The following PMFBP1 variants were observed in gnomAD, a reference collection of about 807,000 sequenced individuals.
The protein encoded by PMFBP1 is polyamine-modulated factor 1-binding protein 1.
Under a neutral mutation model 137.8 loss-of-function variants are expected in PMFBP1, and 131 were observed. The observed-to-expected ratio is 0.95, with a 90% CI of 0.82 to 1.10. PMFBP1 has a LOEUF of 1.10. Among genes scored for constraint, PMFBP1 ranks in the 50% least tolerant of loss-of-function variants. PMFBP1 has a pLI of 0.00. For missense variants in PMFBP1, 1,199 were observed against 1,175.4 expected (o/e 1.02, Z -0.29); for synonymous variants, 490 against 450.4 (o/e 1.09, Z -1.11).
chr16:72,126,840 C>CA (rs2042466996), intron 14 of PMFBP1, among the ~76,000 whole-genome samples: 1 of 152,104 alleles, frequency 6.6e-6, no homozygotes, highest in Admixed American at 6.5e-5. Context: ...GGTTGAGGTC[C>CA]AGGTTCTATC....
At chr16:72,188,656 T>C in the PMFBP1 span, among the ~76,000 whole-genome samples, 1 of 152,162 alleles carries the variant, frequency 6.6e-6, no homozygotes, top group Admixed American at 6.5e-5. Flanking sequence ...GCCATTCTGG[T>C]GTGGATTAAT....
intron 9 of PMFBP1, 37 bp downstream of exon 9, chr16:72,136,411 C>A (rs767694257): frequency 5.0e-6 from 8 of 1,601,736 alleles, no homozygotes; most frequent in Non-Finnish European, 6.0e-6. Context: ...CTCACACCTG[C>A]CCCATTGGGA....
chr16:72,234,009 T>C, the PMFBP1 span, among the ~76,000 whole-genome samples: 5 of 152,194 alleles, frequency 3.3e-5, no homozygotes, highest in Non-Finnish European at 7.4e-5. Context: ...TTTTCCACTT[T>C]TGGCTACTAT....
At chr16:72,140,333 T>G in intron 6 of PMFBP1, 79 bp downstream of exon 6, 1 of 1,386,270 alleles carries the variant, frequency 7.2e-7, no homozygotes, top group Non-Finnish European at 1.0e-6. Flanking sequence ...TTAATTTAGG[T>G]GACTCTTTTC....
At chr16:72,191,521 G>A in the PMFBP1 span, among the ~76,000 whole-genome samples, 1 of 152,200 alleles carries the variant, frequency 6.6e-6, no homozygotes, top group Non-Finnish European at 1.5e-5. Context: ...TAAGCAAAAT[G>A]ATTTAGCTAT....
chr16:72,175,614 T>C (rs2043256291), upstream of PMFBP1, among the ~76,000 whole-genome samples: 1 of 152,184 alleles, frequency 6.6e-6, no homozygotes, highest in Admixed American at 6.5e-5. Flanking sequence ...ATCTAAAACA[T>C]GTTTCCGGGT....
Position 72,150,538 on chromosome 16 carries a change from G to T in PMFBP1, c.636+70C>A, listed in dbSNP as rs2042885048. The T allele has an allele frequency of 5.5e-6, 8 of 1,466,950 alleles. No homozygotes were observed. In the South Asian group the frequency reaches 8.0e-5, roughly 15 times the overall value. 90.9% of individuals were successfully genotyped at this position (1,466,950 alleles called of 1,614,324 possible). On this transcript the variant is annotated intron_variant, in intron 5 of 20. Coordinates refer to ENST00000237353, the MANE Select transcript of PMFBP1 (RefSeq NM_031293.3). ...TTTGGGTTTCCAGTGGAGGAGGCTG[G>T]GACTGTCTGAGGGGACCACCTGGGA...
At chr16:72,249,100 CAA>C in the PMFBP1 span, among the ~76,000 whole-genome samples, 2 of 151,620 alleles carry the variant, frequency 1.3e-5, no homozygotes, top group Non-Finnish European at 2.9e-5. Flanking sequence ...AAAAAAAGAT[CAA>C]GAGAAGTTTC....
chr16:72,161,891 T>A (rs1263848914), intron 3 of PMFBP1, among the ~76,000 whole-genome samples: 1 of 152,188 alleles, frequency 6.6e-6, no homozygotes, highest in African/African-American at 2.4e-5. Flanking sequence ...ATTCTACTAA[T>A]CTTTACATCT....
intron 3 of PMFBP1, among the ~76,000 whole-genome samples, chr16:72,159,131 G>A (rs937145596): frequency 2.0e-5 from 3 of 152,022 alleles, no homozygotes; most frequent in African/African-American, 4.8e-5. Flanking sequence ...TTGCTTCCAC[G>A]TCCCTGTTTT....
At chr16:72,167,175 C>T (rs919156016) in intron 2 of PMFBP1, among the ~76,000 whole-genome samples, 2 of 152,122 alleles carry the variant, frequency 1.3e-5, no homozygotes, top group African/African-American at 2.4e-5. Context: ...CGAGGGGGGC[C>T]GGAGGACAAC....
the PMFBP1 span, among the ~76,000 whole-genome samples, chr16:72,238,887 G>A: frequency 6.6e-6 from 1 of 152,214 alleles, no homozygotes; most frequent in East Asian, 1.9e-4. Context: ...GACATCTAGT[G>A]GGTAGGGGCC....
intron 14 of PMFBP1, chr16:72,128,283 A>G (rs982985637): frequency 6.5e-6 from 6 of 928,628 alleles, no homozygotes; most frequent in Non-Finnish European, 8.6e-6. Context: ...GTAATGAAAA[A>G]TAACTGTCCC....
At chr16:72,150,920 G>T in intron 4 of PMFBP1, 91 bp from the exon 5 acceptor site, 1 of 1,107,572 alleles carries the variant, frequency 9.0e-7, no homozygotes, top group Non-Finnish European at 1.4e-6. Flanking sequence ...GAGAAGTCTT[G>T]TATCTGAACC....
At chr16:72,211,666 TTGGAGAA>T in the PMFBP1 span, among the ~76,000 whole-genome samples, 2 of 152,086 alleles carry the variant, frequency 1.3e-5, no homozygotes, top group African/African-American at 4.8e-5. Context: ...AAGAGAACAA[TTGGAGAA>T]TAAGAAAGAA....
intron 5 of PMFBP1, among the ~76,000 whole-genome samples, chr16:72,149,833 T>C (rs866272115): frequency 2.0e-5 from 3 of 152,164 alleles, no homozygotes; most frequent in African/African-American, 4.8e-5. Context: ...TAAAACCACA[T>C]TGATAACCAC....
At chr16:72,192,888 G>A in the PMFBP1 span, among the ~76,000 whole-genome samples, 1 of 144,968 alleles carries the variant, frequency 6.9e-6, no homozygotes, top group Non-Finnish European at 1.5e-5. Flanking sequence ...GGTGACAGAG[G>A]GAGTCTCTGT....
chr16:72,149,988 T>C (rs569976353), intron 5 of PMFBP1, among the ~76,000 whole-genome samples: 1 of 152,318 alleles, frequency 6.6e-6, no homozygotes, highest in African/African-American at 2.4e-5. Context: ...ACTTTCATAT[T>C]TAATCTCCAT....
chr16:72,236,139 GT>G, the PMFBP1 span, among the ~76,000 whole-genome samples: 1 of 151,986 alleles, frequency 6.6e-6, no homozygotes, highest in Admixed American at 6.6e-5. Flanking sequence ...TGTAAATGCT[GT>G]TTTTTTGGGT....
Sources: gnomAD v4.1 joint callset for allele counts (sites outside exome capture counted in the v4.1 genomes callset) on GRCh38, gnomAD v4.1.1 for gene constraint, MANE v1.5 for transcripts, NCBI Gene and HGNC (gene_info 2026-07-23, HGNC 2026-07-21) for gene names.